SCHIP1: variants seen among roughly 807,000 people sequenced by gnomAD.
SCHIP1 encodes schwannomin interacting protein 1.
A neutral mutation model predicts 29.7 loss-of-function variants in SCHIP1; 8 were observed. The observed-to-expected ratio is 0.27, with a 90% CI of 0.16 to 0.49. The LOEUF (loss-of-function observed/expected upper bound fraction) is 0.49, where lower values mean the gene tolerates loss of function less well. Among genes scored for constraint, SCHIP1 ranks in the 20% least tolerant of loss-of-function variants. SCHIP1 has a pLI of 0.99. For missense variants in SCHIP1, 193 were observed against 294.6 expected (o/e 0.66, Z 2.52); for synonymous variants, 76 against 94.9 (o/e 0.80, Z 1.16).
At chr3:159,359,031 G>A in the SCHIP1 span, among the ~76,000 whole-genome samples, 66 of 145,996 alleles carry the variant, frequency 4.5e-4, 2 homozygotes, top group South Asian at 5.3e-3. Context: ...TGGTTCAAGC[G>A]ATTCCCTTGC....
At chr3:159,305,963 A>G in the SCHIP1 span, among the ~76,000 whole-genome samples, 3 of 152,060 alleles carry the variant, frequency 2.0e-5, no homozygotes, top group African/African-American at 7.2e-5. Flanking sequence ...TTCTACTTCA[A>G]CCTGATTTGC....
chr3:159,378,444 A>T, the SCHIP1 span, among the ~76,000 whole-genome samples: 5 of 152,104 alleles, frequency 3.3e-5, no homozygotes, highest in Non-Finnish European at 7.4e-5. Flanking sequence ...GTTTTTGTTG[A>T]TGTTGTTGTT....
the SCHIP1 span, among the ~76,000 whole-genome samples, chr3:159,654,155 T>TA: frequency 6.8e-3 from 1,043 of 152,312 alleles, 13 homozygotes; most frequent in African/African-American, 0.023. Context: ...AGAAACTCCC[T>TA]AGTCCAGCTT....
At chr3:159,510,089 T>C in the SCHIP1 span, among the ~76,000 whole-genome samples, 6 of 152,258 alleles carry the variant, frequency 3.9e-5, no homozygotes, top group Non-Finnish European at 8.8e-5. Flanking sequence ...ATTCTCGCCA[T>C]CACTTGCAGG....
chr3:159,570,979 G>A, the SCHIP1 span, among the ~76,000 whole-genome samples: 1 of 152,122 alleles, frequency 6.6e-6, no homozygotes, highest in Non-Finnish European at 1.5e-5. Flanking sequence ...AGTGATTTTT[G>A]CACATTGATT....
At chr3:159,505,067 C>T in the SCHIP1 span, among the ~76,000 whole-genome samples, 5 of 152,246 alleles carry the variant, frequency 3.3e-5, no homozygotes, top group South Asian at 1.0e-3. Context: ...CAGAAGAGAG[C>T]AAGGTGCGTT....
chr3:159,492,740 A>G, the SCHIP1 span, among the ~76,000 whole-genome samples: 1 of 152,184 alleles, frequency 6.6e-6, no homozygotes, highest in Admixed American at 6.5e-5. Flanking sequence ...AAATTCAGGA[A>G]ATACAGAGAA....
At chr3:159,538,711 G>C in the SCHIP1 span, among the ~76,000 whole-genome samples, 7 of 152,076 alleles carry the variant, frequency 4.6e-5, no homozygotes, top group African/African-American at 1.7e-4. Context: ...TGTCTTTAAA[G>C]GTTGGGTTTG....
At chr3:159,547,111 G>A in the SCHIP1 span, among the ~76,000 whole-genome samples, 1 of 151,968 alleles carries the variant, frequency 6.6e-6, no homozygotes, top group Non-Finnish European at 1.5e-5. Flanking sequence ...AATGGTTGCC[G>A]TTCTAACTGG....
chr3:159,481,791 A>G, the SCHIP1 span, among the ~76,000 whole-genome samples: 1 of 152,160 alleles, frequency 6.6e-6, no homozygotes, highest in Non-Finnish European at 1.5e-5. Flanking sequence ...TATACTTAAC[A>G]TTTCTTGTTT....
chr3:159,761,653 G>A, the SCHIP1 span, among the ~76,000 whole-genome samples: 2 of 152,322 alleles, frequency 1.3e-5, no homozygotes, highest in East Asian at 3.9e-4. Flanking sequence ...CTTGCATGAA[G>A]AGAAAAGAAG....
chr3:159,425,825 A>T, the SCHIP1 span, among the ~76,000 whole-genome samples: 1 of 152,194 alleles, frequency 6.6e-6, no homozygotes, highest in East Asian at 1.9e-4. Flanking sequence ...AAAAGAACAG[A>T]AATTATAACA....
At chr3:159,402,425 TACTGGGTA>T in the SCHIP1 span, among the ~76,000 whole-genome samples, 1 of 152,172 alleles carries the variant, frequency 6.6e-6, no homozygotes, top group East Asian at 1.9e-4. Flanking sequence ...GCCATCCCAT[TACTGGGTA>T]TATACCCGAA....
the SCHIP1 span, among the ~76,000 whole-genome samples, chr3:159,778,624 G>T: frequency 6.6e-6 from 1 of 152,174 alleles, no homozygotes; most frequent in East Asian, 1.9e-4. Context: ...GGGAGAGTTA[G>T]GTTCCTCCAC....
At chr3:159,487,218 T>G in the SCHIP1 span, among the ~76,000 whole-genome samples, 2 of 152,082 alleles carry the variant, frequency 1.3e-5, no homozygotes, top group Non-Finnish European at 1.5e-5. Context: ...ATATCTATGG[T>G]GGTTGCTTTG....
chr3:159,281,228 T>G, the SCHIP1 span, among the ~76,000 whole-genome samples: 3 of 152,228 alleles, frequency 2.0e-5, no homozygotes, highest in Admixed American at 6.5e-5. Context: ...AACTTCATTT[T>G]GGGATTTTGG....
the SCHIP1 span, among the ~76,000 whole-genome samples, chr3:159,795,774 G>A: frequency 2.0e-5 from 3 of 152,200 alleles, no homozygotes; most frequent in Non-Finnish European, 4.4e-5. Context: ...AACAACGTGT[G>A]TAAAATTATG....
At chr3:159,298,320 G>C in the SCHIP1 span, among the ~76,000 whole-genome samples, 3 of 152,048 alleles carry the variant, frequency 2.0e-5, no homozygotes, top group Non-Finnish European at 2.9e-5. Flanking sequence ...CTTCTCTCTT[G>C]TTTTTGCCAT....
intron 1 of SCHIP1, chr3:159,840,279 G>A (rs1255597147): frequency 5.1e-6 from 7 of 1,375,906 alleles, no homozygotes; most frequent in Non-Finnish European, 7.0e-6. Flanking sequence ...CTCTTCCAAA[G>A]CAGCAGGTTG....
Sources: allele counts gnomAD v4.1 joint callset (sites outside exome capture counted in the v4.1 genomes callset), GRCh38; gene constraint gnomAD v4.1.1; transcripts MANE v1.5; gene names NCBI Gene and HGNC (gene_info 2026-07-23, HGNC 2026-07-21).